RBPMS: variants seen among roughly 807,000 people sequenced by gnomAD.
The protein encoded by RBPMS is RNA binding protein, mRNA processing factor, also known as RNA-binding protein with multiple splicing.
In RBPMS, 7 loss-of-function variants were observed where a neutral mutation model predicts 26.8. That is an observed-to-expected ratio of 0.26 (90% CI 0.15 to 0.49). RBPMS has a LOEUF of 0.49. Among genes scored for constraint, RBPMS ranks in the 20% least tolerant of loss-of-function variants. The pLI is 0.98. For synonymous variants in RBPMS, 96 were observed against 93.3 expected, an observed-to-expected ratio of 1.03 and a Z score of -0.17; for missense variants, 186 against 250.0, an observed-to-expected ratio of 0.74 and a Z score of 1.73.
chr8:30,553,136 C>G (rs184005681), intron 6 of RBPMS: 1 of 152,252 alleles, frequency 6.6e-6, no homozygotes, highest in Non-Finnish European at 1.5e-5. Context: ...TATTAGGTGC[C>G]AGACAGGTAG....
At chr8:30,464,265 A>G (rs1320266375) in intron 1 of RBPMS, among the ~76,000 whole-genome samples, 1 of 152,204 alleles carries the variant, frequency 6.6e-6, no homozygotes, top group Non-Finnish European at 1.5e-5. Flanking sequence ...CATTTAGTTG[A>G]TAGATACTGA....
chr8:30,516,848 TGTGAATG>T (rs1193290461), intron 5 of RBPMS, among the ~76,000 whole-genome samples: 2 of 151,848 alleles, frequency 1.3e-5, no homozygotes, highest in Non-Finnish European at 2.9e-5. Flanking sequence ...GTATCTTGTC[TGTGAATG>T]GTCACTGCAC....
intron 5 of RBPMS, 64 bp from the exon 6 acceptor site, chr8:30,544,430 T>A (rs1825693857): frequency 2.0e-6 from 3 of 1,529,902 alleles, no homozygotes; most frequent in Non-Finnish European, 2.7e-6. Context: ...TTGGGTGTTT[T>A]GTTTTCTGAT....
chr8:30,467,431 G>T (rs543343621), intron 1 of RBPMS, among the ~76,000 whole-genome samples: 4 of 152,258 alleles, frequency 2.6e-5, no homozygotes, highest in African/African-American at 9.6e-5. Flanking sequence ...ATGCTGCATG[G>T]GTATGTGGAG....
intron 1 of RBPMS, among the ~76,000 whole-genome samples, chr8:30,437,759 C>G (rs970183039): frequency 8.7e-5 from 13 of 149,442 alleles, no homozygotes; most frequent in African/African-American, 2.7e-4. Context: ...CCACTGCACT[C>G]CAGCCTGGGT....
chr8:30,535,612 A>G (rs890597506), intron 5 of RBPMS, among the ~76,000 whole-genome samples: 1 of 152,216 alleles, frequency 6.6e-6, no homozygotes, highest in African/African-American at 2.4e-5. Flanking sequence ...ATTTCTTTAG[A>G]TATAGGGTGT....
At chr8:30,536,901 C>T (rs1035976075) in intron 5 of RBPMS, among the ~76,000 whole-genome samples, 10 of 152,140 alleles carry the variant, frequency 6.6e-5, no homozygotes, top group South Asian at 2.1e-4. Context: ...AAAACCATTA[C>T]GTTTTGAAAA....
chr8:30,517,867 C>T lies in RBPMS; in HGVS notation c.397+13431C>T, dbSNP rs144473279. 5.9e-4 allele frequency among the ~76,000 whole-genome samples: 90 copies of T among 152,246 alleles called. 2 individuals carry two copies. The highest frequency in any genetic ancestry group is 2.0e-3 in the African/African-American group (85 of 41,550). ...TTAAGTAGAAATTGTGGAAACAGAT[C>T]GACAGACTGAAGGGGTGTCCAGTGT... is the stretch of plus-strand genomic sequence containing the variant. On this transcript the variant is annotated intron_variant, in intron 5 of 8. Transcript: ENST00000397323.
intron 1 of RBPMS, among the ~76,000 whole-genome samples, chr8:30,473,657 C>T (rs1817379476): frequency 6.6e-6 from 1 of 152,158 alleles, no homozygotes; most frequent in Admixed American, 6.5e-5. Flanking sequence ...ATGTTCATTG[C>T]AGCACTATTC....
chr8:30,532,688 G>A (rs2979510), intron 5 of RBPMS, among the ~76,000 whole-genome samples: 78,193 of 151,838 alleles, frequency 0.51, 20,250 homozygotes, highest in South Asian at 0.64. Flanking sequence ...ATACTGATAC[G>A]AGGAAGTCAT....
chr8:30,524,355 A>G (rs4357251), intron 5 of RBPMS, among the ~76,000 whole-genome samples: 35,734 of 152,084 alleles, frequency 0.23, 4,656 homozygotes, highest in East Asian at 0.39. Context: ...AGATTATACC[A>G]ATGTACACAG....
chr8:30,497,388 T>TA (rs1324023853), intron 4 of RBPMS, among the ~76,000 whole-genome samples: 1 of 151,914 alleles, frequency 6.6e-6, no homozygotes, highest in Non-Finnish European at 1.5e-5. Context: ...ACTAGAAATA[T>TA]AAAAAATCAG....
intron 5 of RBPMS, among the ~76,000 whole-genome samples, chr8:30,524,930 G>A (rs149858805): frequency 6.6e-6 from 1 of 152,164 alleles, no homozygotes; most frequent in African/African-American, 2.4e-5. Context: ...GATCCTATTG[G>A]AATATTCCAA....
intron 1 of RBPMS, among the ~76,000 whole-genome samples, chr8:30,453,025 C>T (rs1814769958): frequency 6.6e-6 from 1 of 152,150 alleles, no homozygotes; most frequent in African/African-American, 2.4e-5. Context: ...TTTCCCCTTC[C>T]TCGTGGATTC....
rs566794386 is a variant in RBPMS, at chr8:30,524,944, T to C, written c.398-19550T>C. On this transcript the variant is annotated intron_variant, in intron 5 of 8. Coordinates refer to ENST00000397323, the MANE Select transcript of RBPMS (RefSeq NM_001008710.3). ...GGATCCTATTGGAATATTCCAAGTT[T>C]AGTCTATCATACCATTTTTGCTAGC... is the stretch of plus-strand genomic sequence containing the variant. Among the ~76,000 whole-genome samples the C allele has an allele frequency of 4.6e-5, 7 of 152,328 alleles. No individual in the cohort carries two copies. The East Asian group carries it at 9.6e-4, about 21-fold the overall frequency.
chr8:30,389,756 G>C (rs946882848), intron 1 of RBPMS, among the ~76,000 whole-genome samples: 10 of 152,060 alleles, frequency 6.6e-5, no homozygotes, highest in African/African-American at 2.4e-5. Context: ...ACCACTAAAG[G>C]CTCCGTTTTT....
chr8:30,472,410 T>A (rs1295507635), intron 1 of RBPMS, among the ~76,000 whole-genome samples: 1 of 152,102 alleles, frequency 6.6e-6, no homozygotes, highest in Admixed American at 6.6e-5. Context: ...TGGAGAATGG[T>A]GGGACAGAGT....
At chr8:30,538,518 A>C (rs1010092573) in intron 5 of RBPMS, among the ~76,000 whole-genome samples, 1 of 152,158 alleles carries the variant, frequency 6.6e-6, no homozygotes, top group Non-Finnish European at 1.5e-5. Flanking sequence ...GGCCTCCCAA[A>C]GTGCTGGGAT....
At chr8:30,544,727 A>G in intron 6 of RBPMS, 103 bp downstream of exon 6, 1 of 1,602,146 alleles carries the variant, frequency 6.2e-7, no homozygotes, top group Non-Finnish European at 8.5e-7. Context: ...TCCAGCTAAC[A>G]GATCCACCCT....
Sources: allele counts gnomAD v4.1 joint callset (sites outside exome capture counted in the v4.1 genomes callset), GRCh38; gene constraint gnomAD v4.1.1; transcripts MANE v1.5; gene names NCBI Gene and HGNC (gene_info 2026-07-23, HGNC 2026-07-21).